Variants in CABCOCO1 observed in about 807,000 individuals in gnomAD.
The protein encoded by CABCOCO1 is ciliary associated calcium binding coiled-coil 1, also known as ciliary-associated calcium-binding coiled-coil protein 1.
CABCOCO1 carries 28 observed loss-of-function variants against 35.7 expected under a neutral mutation model. The ratio of observed to expected loss-of-function variants is 0.78; its 90% CI spans 0.58 to 1.07. The LOEUF (loss-of-function observed/expected upper bound fraction) is 1.07. Ranked by LOEUF, CABCOCO1 falls within the 50% of genes least tolerant of loss-of-function variation. The probability of loss-of-function intolerance (pLI) is 0.00; values close to 1 mark genes in which losing one functional copy is unlikely to be tolerated. For missense variants in CABCOCO1, 326 were observed against 309.2 expected (o/e 1.05, Z -0.41); for synonymous variants, 95 against 100.1 (o/e 0.95, Z 0.30).
At chr10:61,679,399 C>A (rs866403439) in intron 2 of CABCOCO1, among the ~76,000 whole-genome samples, 2 of 152,010 alleles carry the variant, frequency 1.3e-5, no homozygotes, top group African/African-American at 4.8e-5. Flanking sequence ...TTCCAGGAAC[C>A]CTTGTCTGCA....
At chr10:61,751,979 G>T (rs764736863) in intron 5 of CABCOCO1, among the ~76,000 whole-genome samples, 1 of 152,114 alleles carries the variant, frequency 6.6e-6, no homozygotes, top group Admixed American at 6.6e-5. Flanking sequence ...AGTATGATTC[G>T]CAGACTGTAG....
chr10:61,760,971 C>G lies in CABCOCO1; in HGVS notation c.784C>G (p.Gln262Glu). 6.8e-6 allele frequency: 11 copies of G among 1,612,484 alleles called. No individual in the cohort carries two copies. The highest frequency in any genetic ancestry group is 9.3e-6 in the Non-Finnish European group (11 of 1,179,032). The change falls in exon 7 of 8, where the codon CAA becomes GAA. Residue 262 changes from glutamine to glutamate, a missense_variant. By Grantham distance (29) the Gln-to-Glu change is conservative. Coordinates refer to ENST00000648843, the MANE Select transcript of CABCOCO1 (RefSeq NM_001366906.2). ...TGAAGATGTAAAATCAGTGCTGGAT[C>G]AAGTCACAGATGACATTTTAATCGG... ...TIEDVKSVLDQVTDDILIGIQ... is the reference protein window; with the variant it reads ...TIEDVKSVLDEVTDDILIGIQ...
intron 2 of CABCOCO1, among the ~76,000 whole-genome samples, chr10:61,680,049 G>A (rs531262002): frequency 3.0e-4 from 46 of 151,894 alleles, no homozygotes; most frequent in South Asian, 1.0e-3. Flanking sequence ...CGGTGTTCAC[G>A]CCTGTAATCC....
intron 2 of CABCOCO1, among the ~76,000 whole-genome samples, chr10:61,676,130 A>G (rs986979535): frequency 6.6e-6 from 1 of 152,222 alleles, no homozygotes; most frequent in African/African-American, 2.4e-5. Flanking sequence ...AGTCAAAAGT[A>G]TATGATTGCA....
chr10:61,691,210 G>A (rs1840129699), intron 5 of CABCOCO1, among the ~76,000 whole-genome samples: 1 of 152,098 alleles, frequency 6.6e-6, no homozygotes, highest in Non-Finnish European at 1.5e-5. Context: ...GTGTTATATG[G>A]TTTCCTAATT....
chr10:61,720,917 CTTTTT>C (rs71018996), intron 5 of CABCOCO1, among the ~76,000 whole-genome samples: 4 of 65,974 alleles, frequency 6.1e-5, no homozygotes, highest in African/African-American at 1.5e-4. Flanking sequence ...TCTTTTCATT[CTTTTT>C]TTTTTTTTTT....
rs549953699 is a variant in CABCOCO1, at chr10:61,710,849, A to T, written c.552+20228A>T. Among the ~76,000 whole-genome samples, 16 of 151,990 alleles carry T rather than the reference A, an allele frequency of 1.1e-4. No homozygotes were observed. The South Asian group carries it at 3.1e-3, about 30-fold the overall frequency. Reference sequence around the variant, plus strand: ...AAGATTACAGGAAGAAGATGGGTACACAGAAGTGAATCTGATACTCTGTGA... The same window carrying T: ...AAGATTACAGGAAGAAGATGGGTACTCAGAAGTGAATCTGATACTCTGTGA... On this transcript the variant is annotated intron_variant, in intron 5 of 7. Coordinates refer to ENST00000648843, the MANE Select transcript of CABCOCO1 (RefSeq NM_001366906.2).
chr10:61,701,574 G>C, intron 5 of CABCOCO1: 1 of 913,794 alleles, frequency 1.1e-6, no homozygotes, highest in African/African-American at 1.8e-5. Context: ...CAGGACTTGG[G>C]GGAATGAATG....
At chr10:61,688,212 T>A (rs1157274866) in intron 4 of CABCOCO1, among the ~76,000 whole-genome samples, 7 of 152,220 alleles carry the variant, frequency 4.6e-5, no homozygotes, top group Admixed American at 4.6e-4. Flanking sequence ...TTCATTTTGA[T>A]GACTACAAAG....
intron 2 of CABCOCO1, among the ~76,000 whole-genome samples, chr10:61,680,617 C>T (rs1217992268): frequency 4.2e-4 from 10 of 23,714 alleles, no homozygotes; most frequent in African/African-American, 1.4e-3. Context: ...ACATGTTATA[C>T]ATAACATATA....
At chr10:61,696,378 A>G (rs566850452) in intron 5 of CABCOCO1, among the ~76,000 whole-genome samples, 171 of 151,320 alleles carry the variant, frequency 1.1e-3, no homozygotes, top group South Asian at 8.4e-4. Flanking sequence ...ATGAAGGAAA[A>G]TATTTTTAAA....
At chr10:61,718,553 G>A (rs1013761338) in intron 5 of CABCOCO1, among the ~76,000 whole-genome samples, 9 of 152,140 alleles carry the variant, frequency 5.9e-5, no homozygotes, top group Admixed American at 1.3e-4. Flanking sequence ...CAGAATTTGA[G>A]TGTTTATATG....
intron 5 of CABCOCO1, among the ~76,000 whole-genome samples, chr10:61,732,686 C>A (rs1564550315): frequency 6.6e-6 from 1 of 152,044 alleles, no homozygotes; most frequent in Admixed American, 6.6e-5. Flanking sequence ...TTTAATAAAA[C>A]TGTCTATTCA....
chr10:61,690,485 T>C, intron 4 of CABCOCO1, 64 bp from the exon 5 acceptor site: 2 of 1,102,584 alleles, frequency 1.8e-6, no homozygotes, highest in South Asian at 2.7e-5. Flanking sequence ...ATAAATGTCT[T>C]TACATATTGT....
intron 5 of CABCOCO1, among the ~76,000 whole-genome samples, chr10:61,702,684 T>G (rs1156650173): frequency 2.0e-5 from 3 of 152,178 alleles, no homozygotes; most frequent in Admixed American, 6.5e-5. Context: ...AGTGTTCAAG[T>G]TGGCTTATGA....
chr10:61,752,406 G>A lies in CABCOCO1; in HGVS notation c.553-7653G>A, dbSNP rs1258636478. Among the ~76,000 whole-genome samples, 20 of 149,770 alleles carry A rather than the reference G, an allele frequency of 1.3e-4. 1 individual carries two copies. ...GGTAGGGGCTAGGGAGAGCTAAGCA[G>A]AGAGGGAAATATTTATAACTGTAAC... is the stretch of plus-strand genomic sequence containing the variant. On this transcript the variant is annotated intron_variant, in intron 5 of 7. Coordinates refer to ENST00000648843, the MANE Select transcript of CABCOCO1 (RefSeq NM_001366906.2).
intron 2 of CABCOCO1, among the ~76,000 whole-genome samples, chr10:61,676,695 TA>T (rs894376689): frequency 1.9e-4 from 29 of 152,182 alleles, no homozygotes; most frequent in African/African-American, 6.5e-4. Context: ...TTTATAAACT[TA>T]AAAGAAAAAG....
intron 5 of CABCOCO1, among the ~76,000 whole-genome samples, chr10:61,747,438 T>C (rs1841686810): frequency 6.6e-6 from 1 of 152,176 alleles, no homozygotes; most frequent in African/African-American, 2.4e-5. Flanking sequence ...AGTTACAACC[T>C]TCATCTTTTC....
At chr10:61,711,684 A>T (rs1455483489) in intron 5 of CABCOCO1, among the ~76,000 whole-genome samples, 4 of 152,010 alleles carry the variant, frequency 2.6e-5, no homozygotes, top group African/African-American at 9.7e-5. Flanking sequence ...GTGCACAAAA[A>T]ATATTTACAA....
Sources: gnomAD v4.1 joint callset for allele counts (sites outside exome capture counted in the v4.1 genomes callset) on GRCh38, gnomAD v4.1.1 for gene constraint, MANE v1.5 for transcripts, NCBI Gene and HGNC (gene_info 2026-07-23, HGNC 2026-07-21) for gene names.